The following CLEC12A variants were observed in gnomAD, a reference collection of about 807,000 sequenced individuals.
The protein encoded by CLEC12A is C-type lectin domain family 12 member A.
A neutral mutation model predicts 26.5 loss-of-function variants in CLEC12A; 22 were observed. The observed-to-expected ratio is 0.83, with a 90% CI of 0.59 to 1.19. The LOEUF (loss-of-function observed/expected upper bound fraction) is 1.19, where lower values mean the gene tolerates loss of function less well. CLEC12A is among the 50% of genes most tolerant of loss of function. The pLI is 0.00. For synonymous variants in CLEC12A, 119 were observed against 101.9 expected, an observed-to-expected ratio of 1.17 and a Z score of -1.01; for missense variants, 353 against 315.6, an observed-to-expected ratio of 1.12 and a Z score of -0.90.
intron 1 of CLEC12A, among the ~76,000 whole-genome samples, chr12:9,964,919 G>A (rs986156350): frequency 6.6e-6 from 1 of 152,176 alleles, no homozygotes; most frequent in Admixed American, 6.5e-5. Context: ...ATAGGGGTCA[G>A]GTGTGGTATC....
intron 1 of CLEC12A, among the ~76,000 whole-genome samples, chr12:9,976,374 G>A (rs1216381480): frequency 6.6e-6 from 1 of 152,214 alleles, no homozygotes; most frequent in Non-Finnish European, 1.5e-5. Context: ...TCTTGCATCA[G>A]CATGACCTGG....
chr12:9,993,140 G>C lies in CLEC12A; in HGVS notation n.1005-1878G>C, dbSNP rs188574713. 3.2e-3 allele frequency: 5,178 copies of C among 1,607,680 alleles called. 10 individuals carry two copies. The highest frequency in any genetic ancestry group is 3.8e-3 in the Non-Finnish European group (4,480 of 1,176,034). On this transcript the variant is annotated intron_variant and non_coding_transcript_variant, in intron 4 of 4. Coordinates refer to the CLEC12A transcript ENST00000449959. ...TCTGTGTTATCCTGTCCACCTCTTT[G>C]CATTAAGGTAGTTGGTCCACCTTGG...
chr12:10,002,022 G>A, the CLEC12A span, among the ~76,000 whole-genome samples: 10 of 151,818 alleles, frequency 6.6e-5, no homozygotes, highest in African/African-American at 2.4e-4. Flanking sequence ...TGGGAGTACA[G>A]GCGCCCACCA....
intron 1 of CLEC12A, among the ~76,000 whole-genome samples, chr12:9,976,202 C>T (rs554854273): frequency 1.3e-5 from 2 of 152,280 alleles, no homozygotes; most frequent in South Asian, 2.1e-4. Flanking sequence ...AGAAGTGGAC[C>T]ACCGTCCTCC....
chr12:9,984,041 T>C lies in CLEC12A; in HGVS notation c.642-829T>C. The stretch of plus-strand genomic sequence containing the variant: ...TAATCTATAATGGAATGGAAAACAT[T>C]GTAGATATTTTCAGTTATCAAAAAG... On this transcript the variant is annotated intron_variant, in intron 5 of 5. Coordinates refer to ENST00000304361, the MANE Select transcript of CLEC12A (RefSeq NM_138337.6). 2 of 292,760 alleles carry C rather than the reference T, an allele frequency of 6.8e-6. 1 individual carries two copies. The highest frequency in any genetic ancestry group is 1.3e-5 in the Non-Finnish European group (2 of 148,364). 18.1% of individuals were successfully genotyped at this position (292,760 alleles called of 1,614,324 possible). A position where few individuals can be genotyped will look rare whatever the true frequency, so the allele number is the denominator to read the frequency against.
chr12:9,951,728 G>C (rs1863613696), intron 1 of CLEC12A: 1 of 290,502 alleles, frequency 3.4e-6, no homozygotes, highest in Non-Finnish European at 6.7e-6. Context: ...TTTGTGTGTT[G>C]ATGTAGTTGT....
chr12:10,001,773 C>T, the CLEC12A span, among the ~76,000 whole-genome samples: 3 of 152,262 alleles, frequency 2.0e-5, no homozygotes, highest in South Asian at 6.2e-4. Context: ...CCCTCCAAGT[C>T]CCGTTATTAG....
At chr12:10,002,701 C>G in the CLEC12A span, among the ~76,000 whole-genome samples, 7 of 152,110 alleles carry the variant, frequency 4.6e-5, no homozygotes, top group African/African-American at 1.4e-4. Context: ...CTCGGCCTCC[C>G]CAAGTGCTAG....
At chr12:9,998,924 C>A, downstream of CLEC12A, 1 of 638,716 alleles carries the variant, frequency 1.6e-6, no homozygotes. Flanking sequence ...GCATTAACAT[C>A]ATTCAAGAAA....
downstream of CLEC12A, chr12:9,986,071 C>A (rs1166178014): frequency 2.2e-6 from 1 of 448,172 alleles, no homozygotes; most frequent in Non-Finnish European, 4.5e-6. Flanking sequence ...AGAGCATTCT[C>A]AGTGAAATAC....
chr12:9,959,443 ACT>A (rs1863794152), intron 1 of CLEC12A, among the ~76,000 whole-genome samples: 1 of 121,028 alleles, frequency 8.3e-6, no homozygotes, highest in Admixed American at 9.1e-5. Context: ...GAAGAGCGAA[ACT>A]CTGTCTCAAA....
intron 4 of CLEC12A, chr12:9,993,264 T>C (rs1565568811): frequency 1.9e-5 from 30 of 1,612,942 alleles, no homozygotes; most frequent in Non-Finnish European, 2.4e-5. Flanking sequence ...CATATTTCCT[T>C]TTCCATCTTC....
At chr12:9,996,711 A>C (rs1865056602), downstream of CLEC12A, 2 of 853,592 alleles carry the variant, frequency 2.3e-6, no homozygotes, top group Non-Finnish European at 3.9e-6. Context: ...AATTCTTACT[A>C]GGTTTCACAA....
At chr12:10,001,939 G>A in the CLEC12A span, among the ~76,000 whole-genome samples, 10,875 of 149,886 alleles carry the variant, frequency 0.073, 421 homozygotes, top group East Asian at 0.16. Flanking sequence ...GAGTGCAGTG[G>A]CGCCATCTTG....
chr12:9,975,152 A>G (rs569480689), intron 1 of CLEC12A, among the ~76,000 whole-genome samples: 4 of 152,264 alleles, frequency 2.6e-5, no homozygotes, highest in Middle Eastern at 3.4e-3. Flanking sequence ...TGTCTTTATC[A>G]GTCGTGTGAA....
intron 1 of CLEC12A, among the ~76,000 whole-genome samples, chr12:9,955,821 C>T (rs2166810): frequency 0.29 from 43,794 of 152,070 alleles, 6,857 homozygotes; most frequent in East Asian, 0.47. Context: ...AGTCCCATCT[C>T]GAAAACCTGA....
chr12:9,999,044 G>A (rs369129291), downstream of CLEC12A: 42 of 1,592,150 alleles, frequency 2.6e-5, no homozygotes, highest in Admixed American at 5.0e-5. Flanking sequence ...TACCGGAGAT[G>A]AGAGCTGGTT....
At chr12:9,984,822 T>A in intron 5 of CLEC12A, 48 bp from the exon 6 acceptor site, 2 of 1,377,888 alleles carry the variant, frequency 1.5e-6, no homozygotes, top group Non-Finnish European at 1.9e-6. Context: ...TGTGAATATG[T>A]TTCAAATATC....
chr12:9,952,167 C>A (rs1357586269), intron 1 of CLEC12A: 4 of 107,218 alleles, frequency 3.7e-5, no homozygotes, highest in Non-Finnish European at 8.1e-5. Flanking sequence ...CCCTCTCCCT[C>A]TCCGTCTCCC....
Sources: gnomAD v4.1 joint callset for allele counts (sites outside exome capture counted in the v4.1 genomes callset) on GRCh38, gnomAD v4.1.1 for gene constraint, MANE v1.5 for transcripts, NCBI Gene and HGNC (gene_info 2026-07-23, HGNC 2026-07-21) for gene names.